MAST2: variants seen among roughly 807,000 people sequenced by gnomAD.
MAST2 encodes microtubule-associated serine/threonine-protein kinase 2.
Under a neutral mutation model 147.4 loss-of-function variants are expected in MAST2, and 70 were observed. The ratio of observed to expected loss-of-function variants is 0.47; its 90% CI spans 0.39 to 0.58. The LOEUF is 0.58. Ranked by LOEUF, MAST2 falls within the 20% of genes least tolerant of loss-of-function variation. MAST2 has a pLI of 0.00. For missense variants in MAST2, 2,080 were observed against 2,302.3 expected (o/e 0.90, Z 1.98); for synonymous variants, 869 against 896.8 (o/e 0.97, Z 0.55).
In MAST2 at chr1:46,033,832, C is replaced by T; in HGVS notation, c.3568C>T (p.Pro1190Ser). ...AAACAAGGTGGCCATTTCAACAACTCCCCTGGAGAACACATCCATTAAAGT... is the reference window on the plus strand; with the variant it reads ...AAACAAGGTGGCCATTTCAACAACTTCCCTGGAGAACACATCCATTAAAGT... ...SGNKVAISTT[P>S]LENTSIKVGP... The change falls in exon 27 of 29, where the codon CCC becomes TCC. Residue 1190 changes from proline (P) to serine (S), a missense_variant. Physicochemically the swap from Pro to Ser is moderately conservative, Grantham distance 74. Transcript: ENST00000361297. 2 of 1,614,190 alleles carry T rather than the reference C, an allele frequency of 1.2e-6. No individual in the cohort carries two copies. The highest frequency in any genetic ancestry group is 4.5e-5 in the East Asian group (2 of 44,878).
At chr1:45,872,934 A>G (rs1646456176) in intron 3 of MAST2, among the ~76,000 whole-genome samples, 2 of 152,230 alleles carry the variant, frequency 1.3e-5, no homozygotes, top group Non-Finnish European at 1.5e-5. Flanking sequence ...TTTGTTCAAT[A>G]TAGTCAAACA....
intron 3 of MAST2, among the ~76,000 whole-genome samples, chr1:45,830,776 A>T (rs184588463): frequency 6.6e-6 from 1 of 150,898 alleles, no homozygotes; most frequent in Admixed American, 6.6e-5. Context: ...TAATTCCTGC[A>T]CTCTGAGAGT....
At chr1:46,017,349 G>T (rs1464286963) in intron 10 of MAST2, among the ~76,000 whole-genome samples, 3 of 152,108 alleles carry the variant, frequency 2.0e-5, no homozygotes, top group African/African-American at 4.8e-5. Context: ...CGAAAGAGCT[G>T]CTGCACAGCA....
chr1:46,010,554 G>T (rs1257331203), intron 9 of MAST2, among the ~76,000 whole-genome samples, 176 bp from the exon 10 acceptor site: 1 of 152,210 alleles, frequency 6.6e-6, no homozygotes, highest in Non-Finnish European at 1.5e-5. Flanking sequence ...ATCTTGAGTT[G>T]ACTTTACTTG....
chr1:45,987,373 G>T (rs1204438465), intron 5 of MAST2, among the ~76,000 whole-genome samples: 1 of 152,058 alleles, frequency 6.6e-6, no homozygotes, highest in African/African-American at 2.4e-5. Flanking sequence ...GAGTAGGGTG[G>T]CACAAATATG....
Position 46,035,522 on chromosome 1 carries a change from A to G in MAST2, c.4853A>G (p.Lys1618Arg). The G allele has an allele frequency of 1.9e-6, 3 of 1,613,360 alleles. No individual in the cohort carries two copies. Among genetic ancestry groups the G allele is most frequent in the Non-Finnish European group, 8.5e-7 (1 of 1,179,994 alleles). ...CCCATCCCTCCTGAAGGTTGCTGGA[A>G]GGCCCAGCACCTCCACACCCAGGCA... ...TDPIPPEGCW[K>R]AQHLHTQALT... The change falls in exon 29 of 29, where the codon AAG (lysine) becomes AGG (arginine). Residue 1618 changes from lysine (K) to arginine (R), a missense_variant. By Grantham distance (26) the Lys-to-Arg change is conservative (BLOSUM62 2). This residue lies in a region of MAST2 where 1,278 missense variants were observed against 1,304.2 expected (regional missense o/e 0.98). Coordinates refer to ENST00000361297, the MANE Select transcript of MAST2 (RefSeq NM_015112.3). The surrounding 1 kb of genome is among the most constrained non-coding windows in gnomAD (Gnocchi z 5.5).
intron 4 of MAST2, among the ~76,000 whole-genome samples, chr1:45,889,228 C>G (rs964482445): frequency 1.3e-5 from 2 of 151,986 alleles, no homozygotes; most frequent in African/African-American, 2.4e-5. Context: ...CTTTGTCACC[C>G]AGGTTGGAGT....
At chr1:46,018,929 C>A (rs1357757750) in intron 10 of MAST2, among the ~76,000 whole-genome samples, 1 of 152,208 alleles carries the variant, frequency 6.6e-6, no homozygotes, top group Admixed American at 6.5e-5. Context: ...GCAGTACATT[C>A]TTTACCTATC....
intron 3 of MAST2, among the ~76,000 whole-genome samples, chr1:45,867,916 G>C (rs182985239): frequency 6.6e-6 from 1 of 152,196 alleles, no homozygotes; most frequent in Non-Finnish European, 1.5e-5. Context: ...TATTTGCTCA[G>C]CTTCATTGCT....
chr1:45,908,074 A>G (rs965547409), intron 4 of MAST2, among the ~76,000 whole-genome samples: 3 of 151,798 alleles, frequency 2.0e-5, no homozygotes, highest in Admixed American at 2.0e-4. Flanking sequence ...CTGTGGTTTT[A>G]TTAATTTTAT....
At chr1:45,870,181 C>G (rs1465741602) in intron 3 of MAST2, among the ~76,000 whole-genome samples, 2 of 152,180 alleles carry the variant, frequency 1.3e-5, no homozygotes, top group African/African-American at 4.8e-5. Flanking sequence ...ACCTTGGCCT[C>G]CCAAAGTGCT....
At chr1:46,013,519 A>G (rs1314261830) in intron 10 of MAST2, among the ~76,000 whole-genome samples, 1 of 152,042 alleles carries the variant, frequency 6.6e-6, no homozygotes, top group Non-Finnish European at 1.5e-5. Flanking sequence ...CATCTCTACT[A>G]AAAATACAAA....
chr1:45,979,565 C>T (rs1472453165), intron 5 of MAST2, among the ~76,000 whole-genome samples: 4 of 152,060 alleles, frequency 2.6e-5, no homozygotes, highest in Non-Finnish European at 5.9e-5. Context: ...TAGCTGGGCA[C>T]AGTGACTCAC....
At chr1:45,923,315 C>G (rs1283259414) in intron 4 of MAST2, among the ~76,000 whole-genome samples, 2 of 152,224 alleles carry the variant, frequency 1.3e-5, no homozygotes, top group Non-Finnish European at 2.9e-5. Context: ...ATCTGTACCC[C>G]ACTGCAGCCG....
intron 5 of MAST2, among the ~76,000 whole-genome samples, chr1:45,963,759 T>C (rs7530103): frequency 0.34 from 51,248 of 151,844 alleles, 8,982 homozygotes; most frequent in African/African-American, 0.43. Context: ...TTATTTCTTT[T>C]TCCTGCCTGA....
At chr1:45,909,278 AAATAATTTCATTT>A (rs1651282577) in intron 4 of MAST2, among the ~76,000 whole-genome samples, 1 of 152,228 alleles carries the variant, frequency 6.6e-6, no homozygotes, top group African/African-American at 2.4e-5. Flanking sequence ...TCAGTTAAAT[AAATAATTTCATTT>A]AAGGCTTTAT....
At chr1:46,007,996 A>G (rs1436841446) in intron 8 of MAST2, among the ~76,000 whole-genome samples, 1 of 152,108 alleles carries the variant, frequency 6.6e-6, no homozygotes, top group Non-Finnish European at 1.5e-5. Context: ...ATCCTACTCC[A>G]GGGGAGTTTA....
At chr1:46,028,373 T>C (rs565982925) in intron 17 of MAST2, among the ~76,000 whole-genome samples, 1 of 152,276 alleles carries the variant, frequency 6.6e-6, no homozygotes, top group African/African-American at 2.4e-5. Flanking sequence ...TGGCCCAGTG[T>C]CCTGAGAGGC....
Position 46,035,791 on chromosome 1 carries a change from C to CCTGGGGGCA in MAST2, c.5124_5125insGGGGGCACT (p.Pro1708_Ser1709insGlyGlyThr). 2 of 1,614,104 alleles carry CCTGGGGGCA rather than the reference C, an allele frequency of 1.2e-6. No homozygotes were observed. Among genetic ancestry groups the CCTGGGGGCA allele is most frequent in the Non-Finnish European group, 1.7e-6 (2 of 1,180,036 alleles). ...CAGGGAGCAGGGGAAGACACAGCCACCTAGTGCCCCCAGACTGGCCCATCC... is the reference window on the plus strand; with the variant it reads ...CAGGGAGCAGGGGAAGACACAGCCACCTGGGGGCACTAGTGCCCCCAGACTGGCCCATCC... On this transcript the variant is annotated inframe_insertion, in exon 29 of 29. Transcript: ENST00000361297. The surrounding 1 kb of genome is among the most constrained non-coding windows in gnomAD (Gnocchi z 5.5).
Sources: gnomAD v4.1 joint callset for allele counts (sites outside exome capture counted in the v4.1 genomes callset) on GRCh38, gnomAD v4.1.1 for gene constraint, gnomAD v4.1.1 regional missense constraint, Gnocchi (gnomAD v3.1) non-coding constraint, MANE v1.5 for transcripts, NCBI Gene and HGNC (gene_info 2026-07-23, HGNC 2026-07-21) for gene names.